The following MTR variants were observed in gnomAD, a reference collection of about 807,000 sequenced individuals.
MTR encodes methionine synthase.
MTR carries 84 observed loss-of-function variants against 154.8 expected under a neutral mutation model. The ratio of observed to expected loss-of-function variants is 0.54; its 90% CI spans 0.45 to 0.65. MTR has a LOEUF of 0.65. Among genes scored for constraint, MTR ranks in the 30% least tolerant of loss-of-function variants. The pLI is 0.00. For synonymous variants in MTR, 554 were observed against 553.9 expected, an observed-to-expected ratio of 1.00 and a Z score of 0.00; for missense variants, 1,275 against 1,570.2, an observed-to-expected ratio of 0.81 and a Z score of 3.18.
Position 236,894,431 on chromosome 1 carries a change from C to G in MTR, c.3279C>G (p.Ile1093Met). 1 of 1,614,232 alleles carries G rather than the reference C, an allele frequency of 6.2e-7. No homozygotes were observed. The highest frequency in any genetic ancestry group is 1.6e-4 in the Middle Eastern group (1 of 6,062). The change falls in exon 30 of 33, where the codon ATC becomes ATG. Residue 1093 changes from isoleucine (I) to methionine (M), a missense_variant. Ile to Met is a conservative substitution (Grantham distance 10). Coordinates refer to ENST00000366577, the MANE Select transcript of MTR (RefSeq NM_000254.3). The part of the protein sequence containing the change: ...SDFIAPLHSG[I>M]RDYLGLFAVA... ...TCATCGCTCCCTTGCATTCTGGCAT[C>G]CGTGACTACCTGGGCCTGTTTGCCG...
rs138252407 is a variant in MTR, at chr1:236,806,356, T to A, written c.339+123T>A. The A allele has an allele frequency of 2.4e-3, 1,902 of 802,662 alleles. 5 individuals are homozygous for A. The highest frequency in any genetic ancestry group is 3.6e-3 in the Non-Finnish European group (1,659 of 466,176). 49.7% of individuals were successfully genotyped at this position (802,662 alleles called of 1,614,324 possible). On this transcript the variant is annotated intron_variant, in intron 3 of 32. Coordinates refer to ENST00000366577, the MANE Select transcript of MTR (RefSeq NM_000254.3). The stretch of plus-strand genomic sequence containing the variant: ...CTAATGCCTAGTTATCTGTTGTTTA[T>A]GATGAGACAGGGAAAATGGTGTGAA...
rs757429726 is a variant in MTR at position 236,810,536 on chromosome 1, C to T, written c.443C>T (p.Pro148Leu). The part of the protein sequence containing the change: ...IKRFVAGALG[P>L]TNKTLSVSPS... ...AGGTTTGTGGCAGGGGCTCTGGGTC[C>T]GACTAATAAGACACTCTCTGTGTCC... Residue 148 changes from proline to leucine, a missense_variant, in exon 5 of 33, where the codon CCG becomes CTG. Coordinates refer to ENST00000366577, the MANE Select transcript of MTR (RefSeq NM_000254.3). 12 of 1,613,622 alleles carry T rather than the reference C, an allele frequency of 7.4e-6. No individual in the cohort carries two copies. The highest frequency in any genetic ancestry group is 4.0e-5 in the African/African-American group (3 of 74,846).
intron 17 of MTR, 117 bp from the exon 18 acceptor site, chr1:236,852,831 C>A: frequency 7.9e-7 from 1 of 1,266,980 alleles, no homozygotes; most frequent in South Asian, 1.2e-5. Flanking sequence ...AGTTGAGTAG[C>A]TGTGACAGAG....
intron 15 of MTR, among the ~76,000 whole-genome samples, chr1:236,849,581 G>A (rs1394202415): frequency 1.3e-5 from 2 of 152,106 alleles, no homozygotes; most frequent in East Asian, 3.9e-4. Flanking sequence ...CAAGCTTGAC[G>A]GGTTTCAAAA....
At chr1:236,813,920 T>C (rs1661448676) in intron 6 of MTR, among the ~76,000 whole-genome samples, 2 of 152,234 alleles carry the variant, frequency 1.3e-5, no homozygotes, top group South Asian at 4.2e-4. Flanking sequence ...ACAGATTCTA[T>C]TTTTTTGTTG....
intron 1 of MTR, among the ~76,000 whole-genome samples, chr1:236,802,057 G>A (rs74146638): frequency 2.0e-5 from 3 of 152,254 alleles, no homozygotes; most frequent in African/African-American, 7.2e-5. Context: ...TGAAGAAAGG[G>A]GTTGTCACAG....
chr1:236,886,405 G>A (rs1024816237), intron 27 of MTR, 38 bp downstream of exon 27: 1 of 1,582,956 alleles, frequency 6.3e-7, no homozygotes, highest in African/African-American at 1.3e-5. Context: ...ACTGGGTGTG[G>A]TAACTGACAG....
intron 11 of MTR, 22 bp from the exon 12 acceptor site, chr1:236,829,167 A>C (rs779815511): frequency 1.3e-6 from 2 of 1,573,892 alleles, no homozygotes; most frequent in South Asian, 1.1e-5. Context: ...TAATGGATAC[A>C]ATGTTTCCTC....
At position 236,852,728 on chromosome 1, in the gene MTR, G is replaced by T. The variant is rs3901559; in HGVS notation, c.1812+91G>T. On this transcript the variant is annotated intron_variant, in intron 17 of 32. Coordinates refer to ENST00000366577, the MANE Select transcript of MTR (RefSeq NM_000254.3). ...GTGGCATGCAGGCTAAGTCCGGCCT[G>T]CTGCCAGTTTCTGTAAATAAGATTT... The T allele has an allele frequency of 9.2e-4, 1,137 of 1,236,448 alleles. 8 individuals are homozygous for T. In the African/African-American group the frequency reaches 0.015, roughly 16 times the overall value. 76.6% of individuals were successfully genotyped at this position (1,236,448 alleles called of 1,614,324 possible).
intron 1 of MTR, 84 bp from the exon 2 acceptor site, chr1:236,803,341 GATT>G (rs2103013040): frequency 7.9e-7 from 1 of 1,269,012 alleles, no homozygotes; most frequent in East Asian, 2.4e-5. Flanking sequence ...CCTTATTGGA[GATT>G]ATTATAAATT....
chr1:236,827,408 C>T (rs1165914432), intron 11 of MTR, among the ~76,000 whole-genome samples: 1 of 152,180 alleles, frequency 6.6e-6, no homozygotes, highest in Non-Finnish European at 1.5e-5. Context: ...CTCTATATGC[C>T]TGTCACATGG....
chr1:236,861,091 C>CTTTTTCTTTTTTTTTTTTTT, intron 19 of MTR, 34 bp from the exon 20 acceptor site: 6 of 1,415,838 alleles, frequency 4.2e-6, no homozygotes, highest in South Asian at 4.1e-5. Flanking sequence ...TTCTTTCTTT[C>CTTTTTCTTTTTTTTTTTTTT]TTTTTCTTTT....
intron 18 of MTR, among the ~76,000 whole-genome samples, chr1:236,854,558 A>G (rs1006235615): frequency 5.9e-5 from 9 of 152,202 alleles, no homozygotes; most frequent in African/African-American, 2.2e-4. Context: ...TCCTTCATTA[A>G]TAACTGTCAA....
chr1:236,874,632 A>T lies in MTR; in HGVS notation c.2474-94A>T. On this transcript the variant is annotated intron_variant, in intron 23 of 32. Coordinates refer to ENST00000366577, the MANE Select transcript of MTR (RefSeq NM_000254.3). ...TGTTAGGTCTTTTGGTCTTCATTAC[A>T]AAGTTTTTTAAATGGATCTTCATCC... 4.5e-6 allele frequency: 5 copies of T among 1,117,224 alleles called. No individual in the cohort carries two copies. In the South Asian group the frequency reaches 7.5e-5, roughly 17 times the overall value. The allele number at this position is 1,117,224 out of a possible 1,614,324, so 69.2% of individuals were successfully genotyped here. A position where few individuals can be genotyped will look rare whatever the true frequency, so the allele number is the denominator to read the frequency against.
intron 5 of MTR, among the ~76,000 whole-genome samples, chr1:236,812,472 A>G (rs192909166): frequency 1.7e-4 from 26 of 152,336 alleles, no homozygotes; most frequent in Admixed American, 5.9e-4. Flanking sequence ...CAAGAAATTC[A>G]TACGCCTTCC....
chr1:236,865,305 A>C (rs966383840), intron 22 of MTR, among the ~76,000 whole-genome samples: 2 of 152,260 alleles, frequency 1.3e-5, no homozygotes, highest in Non-Finnish European at 2.9e-5. Context: ...TGCAAACTTC[A>C]TGTCAAACAC....
chr1:236,864,704 A>G (rs899659199), intron 22 of MTR, among the ~76,000 whole-genome samples: 1 of 152,232 alleles, frequency 6.6e-6, no homozygotes, highest in African/African-American at 2.4e-5. Context: ...TCTACAAAGC[A>G]TTTCTGCTAT....
intron 15 of MTR, among the ~76,000 whole-genome samples, chr1:236,848,868 A>C (rs1663738596): frequency 6.6e-6 from 1 of 152,196 alleles, no homozygotes; most frequent in South Asian, 2.1e-4. Context: ...TTCTTTTCAT[A>C]ATTCCCCTAC....
rs1664522709 is a variant in MTR at position 236,861,151 on chromosome 1, T to A, written c.2070T>A (p.Asp690Glu). The change falls in exon 20 of 33, where the codon GAT becomes GAA. Residue 690 changes from aspartate to glutamate, a missense_variant. By Grantham distance (45) the Asp-to-Glu change is conservative (BLOSUM62 2). Transcript: ENST00000366577. ...VKGIEKHIIE[D>E]TEEARLNQKK... The stretch of plus-strand genomic sequence containing the variant: ...GCATTGAAAAACATATTATTGAGGA[T>A]ACTGAGGAAGCCAGGTTAAACCAAA... 49 of 1,084,228 alleles carry A rather than the reference T, an allele frequency of 4.5e-5. No individual in the cohort carries two copies. Among genetic ancestry groups the A allele is most frequent in the Non-Finnish European group, 6.4e-5 (46 of 722,182 alleles). 67.2% of individuals were successfully genotyped at this position (1,084,228 alleles called of 1,614,324 possible).
Sources: gnomAD v4.1 joint callset for allele counts (sites outside exome capture counted in the v4.1 genomes callset) on GRCh38, gnomAD v4.1.1 for gene constraint, MANE v1.5 for transcripts, NCBI Gene and HGNC (gene_info 2026-07-23, HGNC 2026-07-21) for gene names.